The following DLEC1 variants were observed in gnomAD, a reference collection of about 807,000 sequenced individuals.
The protein encoded by DLEC1 is DLEC1 cilia and flagella associated protein, also known as deleted in lung and esophageal cancer protein 1.
Under a neutral mutation model 198.1 loss-of-function variants are expected in DLEC1, and 146 were observed. That is an observed-to-expected ratio of 0.74 (90% CI 0.64 to 0.85). The LOEUF (loss-of-function observed/expected upper bound fraction) is 0.85, where lower values mean the gene tolerates loss of function less well. DLEC1 is among the 40% of genes least tolerant of loss of function. DLEC1 has a pLI of 0.00. For synonymous variants in DLEC1, 897 were observed against 866.8 expected, an observed-to-expected ratio of 1.03 and a Z score of -0.61; for missense variants, 2,233 against 2,220.0, an observed-to-expected ratio of 1.01 and a Z score of -0.12.
intron 12 of DLEC1, among the ~76,000 whole-genome samples, chr3:38,094,269 G>A (rs1698894394): frequency 6.6e-6 from 1 of 152,138 alleles, no homozygotes; most frequent in Admixed American, 6.5e-5. Context: ...ATGAAACCAG[G>A]ACAAATCTCA....
chr3:38,082,350 G>A (rs62240731), intron 6 of DLEC1, among the ~76,000 whole-genome samples: 27,230 of 143,062 alleles, frequency 0.19, 3,007 homozygotes, highest in East Asian at 0.33. Context: ...CATCCCAGAC[G>A]ATGGGCGGCC....
chr3:38,116,819 T>C lies in DLEC1; in HGVS notation c.4109T>C (p.Ile1370Thr), dbSNP rs769670779. 1.2e-6 allele frequency: 2 copies of C among 1,613,858 alleles called. No homozygotes were observed. Among genetic ancestry groups the C allele is most frequent in the Non-Finnish European group, 1.7e-6 (2 of 1,179,902 alleles). Reference sequence around the variant, plus strand: ...AGCAATAGGGTGGCACAGAAGCTCATCTCAGTCATCCTGCAGGCACATGAG... The same window carrying C: ...AGCAATAGGGTGGCACAGAAGCTCACCTCAGTCATCCTGCAGGCACATGAG... ...SASNRVAQKL[I>T]SVILQAHEGV... is the part of the protein sequence containing the mutation. The change falls in exon 29 of 37, where the codon ATC becomes ACC. Residue 1370 changes from isoleucine (I) to threonine (T), a missense_variant. Physicochemically the swap from Ile to Thr is moderately conservative, Grantham distance 89. Coordinates refer to ENST00000308059, the MANE Select transcript of DLEC1 (RefSeq NM_007335.4).
At position 38,096,552 on chromosome 3, in the gene DLEC1, G is replaced by T. The variant is rs778536357; in HGVS notation, c.2172-17G>T. ...CCAGGTGTGCCGGCTCCTAGCTAAC[G>T]GTGGGTTTGTGTTTAGTTCAGAAGC... On this transcript the variant is annotated splice_polypyrimidine_tract_variant and intron_variant, in intron 14 of 36. Transcript: ENST00000308059. The T allele has an allele frequency of 1.9e-6, 3 of 1,604,956 alleles. No individual in the cohort carries two copies. Among genetic ancestry groups the T allele is most frequent in the South Asian group, 1.1e-5 (1 of 90,106 alleles).
intron 2 of DLEC1, among the ~76,000 whole-genome samples, chr3:38,054,197 T>TA (rs746901513): frequency 1.4e-3 from 201 of 145,464 alleles, no homozygotes; most frequent in South Asian, 1.8e-3. Flanking sequence ...CAATAAATAC[T>TA]AAAAAAAAAA....
At chr3:38,117,391 C>T in intron 31 of DLEC1, 89 bp downstream of exon 31, 2 of 1,599,364 alleles carry the variant, frequency 1.3e-6, no homozygotes, top group Non-Finnish European at 1.7e-6. Context: ...GTTCTCAGAG[C>T]AAAAGGACGG....
intron 9 of DLEC1, 85 bp downstream of exon 9, chr3:38,086,462 A>G: frequency 1.3e-6 from 2 of 1,501,812 alleles, no homozygotes; most frequent in Non-Finnish European, 1.8e-6. Context: ...GAGTATACCT[A>G]TGATTGGAAA....
Position 38,114,978 on chromosome 3 carries a change from T to C in DLEC1, c.3786-5T>C. 6.2e-7 allele frequency: 1 copy of C among 1,613,032 alleles called. No homozygotes were observed. The highest frequency in any genetic ancestry group is 8.5e-7 in the Non-Finnish European group (1 of 1,179,430). On this transcript the variant is annotated splice_polypyrimidine_tract_variant and splice_region_variant and intron_variant, in intron 26 of 36. Coordinates refer to ENST00000308059, the MANE Select transcript of DLEC1 (RefSeq NM_007335.4). ...CTGTACTGAGTCCAGTCTGTCCCCCTCCAGGTTCGGCACCCAGGTCTCCGG... is the reference window on the plus strand; with the variant it reads ...CTGTACTGAGTCCAGTCTGTCCCCCCCCAGGTTCGGCACCCAGGTCTCCGG...
At chr3:38,093,030 GTC>G (rs1698823280) in intron 11 of DLEC1, 150 bp downstream of exon 11, 2 of 775,408 alleles carry the variant, frequency 2.6e-6, no homozygotes, top group Non-Finnish European at 4.3e-6. Flanking sequence ...AGGTGCCAGA[GTC>G]TCGTTTCAGG....
Position 38,122,368 on chromosome 3 carries a change from C to A in DLEC1, c.5224C>A (p.Gln1742Lys), listed in dbSNP as rs773897658. 1 of 1,614,186 alleles carries A rather than the reference C, an allele frequency of 6.2e-7. No homozygotes were observed. The highest frequency in any genetic ancestry group is 8.5e-7 in the Non-Finnish European group (1 of 1,180,026). ...GTCCTGCACCCTGCGGCTCCGGGGCCAAGGCTCCTATGATGAGAGATACAT... is the reference window on the plus strand; with the variant it reads ...GTCCTGCACCCTGCGGCTCCGGGGCAAAGGCTCCTATGATGAGAGATACAT... ...EKSCTLRLRG[Q>K]GSYDERYMLP... Residue 1742 changes from glutamine to lysine, a missense_variant, in exon 37 of 37, where the codon CAA becomes AAA. Physicochemically the swap from Gln to Lys is moderately conservative, Grantham distance 53 (BLOSUM62 1). Transcript: ENST00000308059.
intron 19 of DLEC1, among the ~76,000 whole-genome samples, chr3:38,101,418 T>G (rs1006126167): frequency 6.6e-6 from 1 of 152,132 alleles, no homozygotes; most frequent in South Asian, 2.1e-4. Flanking sequence ...TATATATATA[T>G]TCATTTTCTT....
chr3:38,076,710 A>G (rs769482288), intron 6 of DLEC1, among the ~76,000 whole-genome samples: 5 of 152,198 alleles, frequency 3.3e-5, no homozygotes, highest in African/African-American at 7.2e-5. Flanking sequence ...AGGGGATGCA[A>G]TGTCTTGGCT....
chr3:38,109,826 G>T, intron 22 of DLEC1: 1 of 703,940 alleles, frequency 1.4e-6, no homozygotes, highest in Non-Finnish European at 2.3e-6. Flanking sequence ...CAGGGCTGTA[G>T]GTACCCTGGG....
rs1700210504 is a variant in DLEC1, at chr3:38,117,021, C to G, written c.4226C>G (p.Pro1409Arg). Reference protein sequence around the residue: ...GSSTIYISFTPMVLSPEILHK... With the variant: ...GSSTIYISFTRMVLSPEILHK... ...AGTACCATCTACATCTCCTTCACCC[C>G]TATGGTGCTCAGCCCTGAGATCCTG... The change falls in exon 30 of 37, where the codon CCT (proline) becomes CGT (arginine). Residue 1409 changes from proline (P) to arginine (R), a missense_variant. Coordinates refer to ENST00000308059, the MANE Select transcript of DLEC1 (RefSeq NM_007335.4). 1 of 1,614,048 alleles carries G rather than the reference C, an allele frequency of 6.2e-7. No homozygotes were observed. Among genetic ancestry groups the G allele is most frequent in the South Asian group, 1.1e-5 (1 of 91,086 alleles).
At chr3:38,113,690 C>CAATAAT (rs752299851) in intron 25 of DLEC1, among the ~76,000 whole-genome samples, 40 of 150,930 alleles carry the variant, frequency 2.7e-4, no homozygotes, top group East Asian at 3.9e-4. Context: ...GACTCTGTCT[C>CAATAAT]AATAATAATA....
intron 6 of DLEC1, among the ~76,000 whole-genome samples, chr3:38,081,070 G>T (rs1409941585): frequency 2.2e-5 from 3 of 136,982 alleles, no homozygotes; most frequent in Non-Finnish European, 4.7e-5. Flanking sequence ...ATCTTGCACC[G>T]CCCTTAATCC....
chr3:38,109,688 A>T, intron 22 of DLEC1, 126 bp downstream of exon 22: 1 of 1,491,244 alleles, frequency 6.7e-7, no homozygotes, highest in Non-Finnish European at 9.1e-7. Context: ...GGAAAACGCC[A>T]CAGTGTTATT....
At chr3:38,100,971 C>T (rs569553969) in intron 19 of DLEC1, among the ~76,000 whole-genome samples, 3 of 152,298 alleles carry the variant, frequency 2.0e-5, no homozygotes, top group African/African-American at 7.2e-5. Context: ...TCTCCCTCCG[C>T]TCCCCCACTT....
chr3:38,121,172 T>C (rs1700436907), intron 34 of DLEC1, among the ~76,000 whole-genome samples: 2 of 152,192 alleles, frequency 1.3e-5, no homozygotes, highest in African/African-American at 4.8e-5. Flanking sequence ...GGGCAGCTGC[T>C]GGGGCTGAGG....
At chr3:38,068,094 A>G (rs1013177243) in intron 6 of DLEC1, among the ~76,000 whole-genome samples, 1 of 152,186 alleles carries the variant, frequency 6.6e-6, no homozygotes, top group African/African-American at 2.4e-5. Flanking sequence ...GCAAGCAAGA[A>G]GGAGATTGCA....
Sources: gnomAD v4.1 joint callset for allele counts (sites outside exome capture counted in the v4.1 genomes callset) on GRCh38, gnomAD v4.1.1 for gene constraint, MANE v1.5 for transcripts, NCBI Gene and HGNC (gene_info 2026-07-23, HGNC 2026-07-21) for gene names.